Variants in HS6ST3 observed in about 807,000 individuals in gnomAD.
The protein encoded by HS6ST3 is heparan sulfate 6-O-sulfotransferase 3.
Under a neutral mutation model 36.7 loss-of-function variants are expected in HS6ST3, and 12 were observed. The ratio of observed to expected loss-of-function variants is 0.33; its 90% confidence interval spans 0.21 to 0.53. HS6ST3 has a LOEUF of 0.53. Among genes scored for constraint, HS6ST3 ranks in the 20% least tolerant of loss-of-function variants. The pLI, the probability that HS6ST3 is intolerant of heterozygous loss-of-function variation, is 0.95. For synonymous variants in HS6ST3, 240 were observed against 257.5 expected (o/e 0.93, Z 0.65); for missense variants, 584 against 640.9 (o/e 0.91, Z 0.96).
At chr13:96,744,122 C>G (rs1380435677) in intron 1 of HS6ST3, among the ~76,000 whole-genome samples, 1 of 151,904 alleles carries the variant, frequency 6.6e-6, no homozygotes, top group Admixed American at 6.6e-5. Context: ...TCATAAAATG[C>G]ATAGACTCCA....
intron 1 of HS6ST3, among the ~76,000 whole-genome samples, chr13:96,549,549 G>T (rs1021350545): frequency 1.3e-5 from 2 of 152,108 alleles, no homozygotes; most frequent in African/African-American, 2.4e-5. Flanking sequence ...TAAAGTGAAT[G>T]CTCTTTAGTT....
chr13:96,335,236 C>G (rs532996189), intron 1 of HS6ST3, among the ~76,000 whole-genome samples: 1 of 152,120 alleles, frequency 6.6e-6, no homozygotes, highest in Non-Finnish European at 1.5e-5. Context: ...AAACGACATC[C>G]AATGTGAGGT....
intron 1 of HS6ST3, among the ~76,000 whole-genome samples, chr13:96,757,163 G>GT (rs1876851741): frequency 6.6e-6 from 1 of 152,170 alleles, no homozygotes; most frequent in African/African-American, 2.4e-5. Context: ...ACACTCCACA[G>GT]TGAGTCTATA....
At chr13:96,514,821 A>G (rs1010849162) in intron 1 of HS6ST3, among the ~76,000 whole-genome samples, 7 of 152,236 alleles carry the variant, frequency 4.6e-5, no homozygotes, top group African/African-American at 1.7e-4. Context: ...AAGAGGAGTT[A>G]TTCATCAAAC....
chr13:96,593,130 CT>C (rs2056388793), intron 1 of HS6ST3, among the ~76,000 whole-genome samples: 1 of 125,276 alleles, frequency 8.0e-6, no homozygotes, highest in Non-Finnish European at 1.7e-5. Context: ...TGTTTTTATT[CT>C]TTTTTCTTTT....
rs558695486 is a variant in HS6ST3, at chr13:96,779,018, A to G, written c.708-53472A>G. Among the ~76,000 whole-genome samples, 5 of 152,300 alleles carry G rather than the reference A, an allele frequency of 3.3e-5. No individual in the cohort carries two copies. The South Asian group carries it at 1.0e-3, about 32-fold the overall frequency. On this transcript the variant is annotated intron_variant, in intron 1 of 1. Coordinates refer to ENST00000376705, the MANE Select transcript of HS6ST3 (RefSeq NM_153456.4). ...AAAAGGATGAGTTCATGTCCTTTGC[A>G]GGGACGTGGATGAAGCTGGAAACCA...
intron 1 of HS6ST3, among the ~76,000 whole-genome samples, chr13:96,122,966 G>T (rs1434513638): frequency 6.6e-6 from 1 of 152,108 alleles, no homozygotes; most frequent in Admixed American, 6.5e-5. Context: ...AATTGAACTG[G>T]GTTAGATAGC....
intron 1 of HS6ST3, among the ~76,000 whole-genome samples, chr13:96,439,681 T>C (rs576492797): frequency 1.3e-5 from 2 of 152,272 alleles, no homozygotes; most frequent in African/African-American, 4.8e-5. Flanking sequence ...AATTAAGATA[T>C]GTTAAATGTT....
At chr13:96,461,359 A>G (rs907254443) in intron 1 of HS6ST3, among the ~76,000 whole-genome samples, 39 of 152,314 alleles carry the variant, frequency 2.6e-4, no homozygotes, top group African/African-American at 8.9e-4. Context: ...AATTTGTTTA[A>G]TGCAATTGTA....
chr13:96,745,622 C>T (rs1876543938), intron 1 of HS6ST3, among the ~76,000 whole-genome samples: 3 of 152,062 alleles, frequency 2.0e-5, no homozygotes, highest in African/African-American at 4.8e-5. Context: ...AAGGATAAAA[C>T]CAGACCTTTT....
intron 1 of HS6ST3, among the ~76,000 whole-genome samples, chr13:96,553,118 G>A (rs2138949831): frequency 6.6e-6 from 1 of 152,298 alleles, no homozygotes; most frequent in South Asian, 2.1e-4. Flanking sequence ...CGGTGTTTTT[G>A]AAGGAGTCTG....
At chr13:96,476,391 C>T (rs2055863996) in intron 1 of HS6ST3, among the ~76,000 whole-genome samples, 1 of 152,098 alleles carries the variant, frequency 6.6e-6, no homozygotes, top group Non-Finnish European at 1.5e-5. Flanking sequence ...GAGATGGAGT[C>T]TTCCTCTGTC....
intron 1 of HS6ST3, among the ~76,000 whole-genome samples, chr13:96,718,110 C>G (rs1408943020): frequency 1.3e-5 from 2 of 152,130 alleles, no homozygotes; most frequent in Non-Finnish European, 2.9e-5. Context: ...TCCTGAATGC[C>G]CCAGTCTGGG....
rs2056549277 is a variant in HS6ST3, at chr13:96,636,203, C to G, written c.708-196287C>G. ...AGGGACTTGCAAAATGTGCTTCTGA[C>G]TGGCAAAACACAAAAAGCTTTAAAA... On this transcript the variant is annotated intron_variant, in intron 1 of 1. Transcript: ENST00000376705. 2.6e-5 allele frequency among the ~76,000 whole-genome samples: 4 copies of G among 152,104 alleles called. No homozygotes were observed. The South Asian group carries it at 8.3e-4, about 31-fold the overall frequency.
At chr13:96,165,053 T>C (rs2054154122) in intron 1 of HS6ST3, among the ~76,000 whole-genome samples, 1 of 152,230 alleles carries the variant, frequency 6.6e-6, no homozygotes, top group Admixed American at 6.5e-5. Flanking sequence ...TTTTGTCTTA[T>C]ATTTTACTAT....
chr13:96,751,158 T>C (rs918014320), intron 1 of HS6ST3, among the ~76,000 whole-genome samples: 1 of 152,148 alleles, frequency 6.6e-6, no homozygotes, highest in Non-Finnish European at 1.5e-5. Flanking sequence ...TGAAGGGTGC[T>C]CCTCCTCCCA....
At chr13:96,776,995 G>A (rs528925779) in intron 1 of HS6ST3, among the ~76,000 whole-genome samples, 217 of 151,926 alleles carry the variant, frequency 1.4e-3, no homozygotes, top group African/African-American at 5.1e-3. Flanking sequence ...TATCCACCAC[G>A]ATTAAGTTGG....
chr13:96,351,190 AT>A (rs953370801), intron 1 of HS6ST3, among the ~76,000 whole-genome samples: 2 of 152,126 alleles, frequency 1.3e-5, no homozygotes, highest in Non-Finnish European at 2.9e-5. Context: ...CATCTCTTAC[AT>A]TTTTAGTCAT....
At chr13:96,499,256 C>A (rs2055992293) in intron 1 of HS6ST3, among the ~76,000 whole-genome samples, 2 of 152,082 alleles carry the variant, frequency 1.3e-5, no homozygotes, top group South Asian at 4.1e-4. Flanking sequence ...AAACTCCTGA[C>A]CTCAGGTGAT....
Sources: gnomAD v4.1 joint callset for allele counts (sites outside exome capture counted in the v4.1 genomes callset) on GRCh38, gnomAD v4.1.1 for gene constraint, MANE v1.5 for transcripts, NCBI Gene and HGNC (gene_info 2026-07-23, HGNC 2026-07-21) for gene names.